RARB: variants seen among roughly 807,000 people sequenced by gnomAD.
RARB encodes retinoic acid receptor beta, also known as HBV-activated protein.
Under a neutral mutation model 51.9 loss-of-function variants are expected in RARB, and 17 were observed. The observed-to-expected ratio is 0.33, with a 90% CI of 0.22 to 0.49. RARB has a LOEUF of 0.49. RARB is among the 20% of genes least tolerant of loss of function. The pLI is 0.99. For missense variants in RARB, 369 were observed against 550.8 expected, an observed-to-expected ratio of 0.67 and a Z score of 3.30; for synonymous variants, 215 against 195.4, an observed-to-expected ratio of 1.10 and a Z score of -0.84.
intron 5 of RARB, among the ~76,000 whole-genome samples, chr3:25,198,941 G>C (rs532316355): frequency 6.6e-6 from 1 of 151,934 alleles, no homozygotes. Flanking sequence ...CTGCTTTTTG[G>C]TATATACCCC....
intron 5 of RARB, among the ~76,000 whole-genome samples, chr3:25,333,350 C>G (rs1704962436): frequency 6.6e-6 from 1 of 152,154 alleles, no homozygotes. Context: ...TGGAAAAGAA[C>G]AGAGGCCTCA....
chr3:25,512,546 A>G (rs1048613727), intron 3 of RARB, among the ~76,000 whole-genome samples: 1 of 152,228 alleles, frequency 6.6e-6, no homozygotes, highest in Admixed American at 6.5e-5. Context: ...TGTGCCACAC[A>G]CTAGCCATCA....
chr3:24,870,417 G>A (rs1451698131), intron 2 of RARB, among the ~76,000 whole-genome samples: 1 of 151,932 alleles, frequency 6.6e-6, no homozygotes. Context: ...CACTAATAGT[G>A]TTTCTGTCAT....
chr3:25,413,234 T>G (rs991631468), intron 5 of RARB, among the ~76,000 whole-genome samples: 2 of 151,026 alleles, frequency 1.3e-5, no homozygotes, highest in African/African-American at 4.9e-5. Flanking sequence ...AGTTGTACTT[T>G]TTGTGTATTT....
intron 2 of RARB, among the ~76,000 whole-genome samples, chr3:25,011,344 G>T (rs917750807): frequency 2.0e-5 from 3 of 152,106 alleles, no homozygotes; most frequent in African/African-American, 7.2e-5. Context: ...AGAAGGTGAC[G>T]TGTGAACAAA....
chr3:24,879,646 G>C (rs1348753699), intron 2 of RARB, among the ~76,000 whole-genome samples: 1 of 151,940 alleles, frequency 6.6e-6, no homozygotes, highest in Non-Finnish European at 1.5e-5. Flanking sequence ...AACATAGACA[G>C]AACCTGATCT....
intron 5 of RARB, among the ~76,000 whole-genome samples, chr3:25,383,329 C>T (rs914101922): frequency 6.6e-6 from 1 of 152,220 alleles, no homozygotes; most frequent in African/African-American, 2.4e-5. Context: ...GTCTCTAGTT[C>T]TTCATCGTGG....
chr3:24,936,623 CTA>C (rs1695553823), intron 2 of RARB, among the ~76,000 whole-genome samples: 2 of 152,174 alleles, frequency 1.3e-5, no homozygotes, highest in African/African-American at 4.8e-5. Context: ...AATCCACAAA[CTA>C]TATATAATCA....
At chr3:24,931,927 A>C (rs1695448177) in intron 2 of RARB, among the ~76,000 whole-genome samples, 3 of 152,090 alleles carry the variant, frequency 2.0e-5, no homozygotes, top group South Asian at 2.1e-4. Flanking sequence ...AGTGGTGACT[A>C]TGCAGCCTGT....
chr3:25,392,300 T>C (rs1706987539), intron 5 of RARB, among the ~76,000 whole-genome samples: 1 of 152,172 alleles, frequency 6.6e-6, no homozygotes. Flanking sequence ...AGCCTTATAG[T>C]ATTGTTTGAA....
intron 5 of RARB, among the ~76,000 whole-genome samples, chr3:25,240,513 C>T (rs2164475): frequency 0.26 from 40,084 of 151,574 alleles, 5,365 homozygotes; most frequent in South Asian, 0.3. Flanking sequence ...CCTTCTATGC[C>T]TAGTTTGTTG....
intron 2 of RARB, among the ~76,000 whole-genome samples, chr3:24,871,948 C>T (rs776723371): frequency 7.9e-4 from 120 of 152,256 alleles, no homozygotes; most frequent in Non-Finnish European, 1.2e-3. Context: ...CCTATCATCA[C>T]CCTGGTCTGA....
intron 2 of RARB, among the ~76,000 whole-genome samples, chr3:25,025,863 A>C (rs2125287377): frequency 6.6e-6 from 1 of 152,286 alleles, no homozygotes; most frequent in South Asian, 2.1e-4. Context: ...TATAAGGATA[A>C]GAAATCTGTA....
chr3:25,149,028 T>A (rs1700239891), intron 4 of RARB, among the ~76,000 whole-genome samples: 1 of 151,920 alleles, frequency 6.6e-6, no homozygotes, highest in Admixed American at 6.6e-5. Context: ...TGCTAAGGAG[T>A]CAGACTGGAA....
At chr3:25,543,692 G>C (rs908608245) in intron 3 of RARB, among the ~76,000 whole-genome samples, 4 of 152,180 alleles carry the variant, frequency 2.6e-5, no homozygotes, top group Admixed American at 6.5e-5. Flanking sequence ...ATTGACCAGA[G>C]GGATGGTGTA....
At position 25,400,730 on chromosome 3, in the gene RARB, T is replaced by G. The variant is rs73157879; in HGVS notation, c.179-60463T>G. On this transcript the variant is annotated intron_variant, in intron 5 of 11. Coordinates refer to the RARB transcript ENST00000383772. ...ATAGAATAAAGTTTCCTAGTTGAGT[T>G]TTTTGGATAGTTTTCAGCCTCTAGG... Among the ~76,000 whole-genome samples the G allele has an allele frequency of 8.9e-3, 1,348 of 152,244 alleles. 21 individuals carry two copies. Among genetic ancestry groups the G allele is most frequent in the African/African-American group, 0.031 (1,270 of 41,542 alleles).
chr3:25,427,680 G>GGCTT (rs1448448605), upstream of RARB, among the ~76,000 whole-genome samples: 2 of 152,130 alleles, frequency 1.3e-5, no homozygotes, highest in African/African-American at 4.8e-5. Flanking sequence ...TTCAGCCAGG[G>GGCTT]GCTTGCAAGA....
rs3773427 is a variant in RARB at position 25,594,853 on chromosome 3, A to C, written c.1150+175A>C. Among the ~76,000 whole-genome samples the C allele has an allele frequency of 0.13, 20,042 of 151,556 alleles. 1,647 individuals are homozygous for C. Among genetic ancestry groups the C allele is most frequent in the East Asian group, 0.19 (971 of 5,164 alleles). On this transcript the variant is annotated intron_variant, in intron 7 of 7. Coordinates refer to ENST00000330688, the MANE Select transcript of RARB (RefSeq NM_000965.5). ...CTCCCCCCTCTAAAAAAAAAAAAAAAACACCTCAAATCTTACCCTATTCAA... is the reference window on the plus strand; with the variant it reads ...CTCCCCCCTCTAAAAAAAAAAAAAACACACCTCAAATCTTACCCTATTCAA...
intron 2 of RARB, among the ~76,000 whole-genome samples, chr3:24,975,310 G>GT (rs1553619270): frequency 1.3e-5 from 2 of 151,902 alleles, no homozygotes; most frequent in African/African-American, 4.8e-5. Flanking sequence ...TAACACTACT[G>GT]TTTTTTTGGT....
Sources: allele counts gnomAD v4.1 joint callset (sites outside exome capture counted in the v4.1 genomes callset), GRCh38; gene constraint gnomAD v4.1.1; transcripts MANE v1.5; gene names NCBI Gene and HGNC (gene_info 2026-07-23, HGNC 2026-07-21).